CDH18: variants seen among roughly 807,000 people sequenced by gnomAD.
The protein encoded by CDH18 is cadherin-18.
In CDH18, 31 loss-of-function variants were observed where a neutral mutation model predicts 67.9. The ratio of observed to expected loss-of-function variants is 0.46; its 90% CI spans 0.34 to 0.62. CDH18 has a LOEUF of 0.62. CDH18 is among the 20% of genes least tolerant of loss of function. The pLI is 0.01. For missense variants in CDH18, 890 were observed against 975.5 expected (o/e 0.91, Z 1.17); for synonymous variants, 362 against 347.2 (o/e 1.04, Z -0.48).
intron 8 of CDH18, among the ~76,000 whole-genome samples, chr5:19,568,904 C>CA (rs1740896065): frequency 6.6e-6 from 1 of 152,176 alleles, no homozygotes; most frequent in Non-Finnish European, 1.5e-5. Flanking sequence ...CTGTCCCTTG[C>CA]AGGGGGGTGG....
rs578062923 is a variant in CDH18, at chr5:20,247,591, C to A, written c.-518+7853G>T. Among the ~76,000 whole-genome samples, 154 of 151,892 alleles carry A rather than the reference C, an allele frequency of 1.0e-3. 1 individual carries two copies. Among genetic ancestry groups the A allele is most frequent in the African/African-American group, 3.6e-3 (148 of 41,434 alleles). On this transcript the variant is annotated intron_variant, in intron 2 of 14. Coordinates refer to the CDH18 transcript ENST00000507958. ...CCATCCTGGCCAGCATGGTGAAACC[C>A]CGTCTCTATTAAAAACAGAAAAATT...
At chr5:19,726,846 T>A (rs1401464638) in intron 4 of CDH18, among the ~76,000 whole-genome samples, 1 of 151,986 alleles carries the variant, frequency 6.6e-6, no homozygotes, top group African/African-American at 2.4e-5. Context: ...GAGGGTAGGG[T>A]TTTTGCAAAT....
At chr5:19,769,676 T>C (rs1310357274) in intron 3 of CDH18, among the ~76,000 whole-genome samples, 1 of 152,056 alleles carries the variant, frequency 6.6e-6, no homozygotes, top group African/African-American at 2.4e-5. Flanking sequence ...TGTAAATCTT[T>C]ACAACATTAG....
Position 19,592,874 on chromosome 5 carries a change from G to A in CDH18, c.812-1630C>T. Among the ~76,000 whole-genome samples the A allele has an allele frequency of 1.3e-5, 2 of 151,906 alleles. 1 individual carries two copies. The highest frequency in any genetic ancestry group is 2.9e-5 in the Non-Finnish European group (2 of 67,974). ...CAACCACTCCATTCTTTGATTGTAT[G>A]AATTTTACTATTTTAGATACCTCAT... On this transcript the variant is annotated intron_variant, in intron 6 of 12. Coordinates refer to ENST00000382275, the MANE Select transcript of CDH18 (RefSeq NM_004934.5).
In CDH18 at chr5:19,473,422, T is replaced by C. The variant is rs2126490060; in HGVS notation, c.2177A>G (p.Asp726Gly). The change falls in exon 13 of 13, where the codon GAC becomes GGC. Residue 726 changes from aspartate to glycine, a missense_variant. By Grantham distance (94) the Asp-to-Gly change is moderately conservative. Coordinates refer to ENST00000382275, the MANE Select transcript of CDH18 (RefSeq NM_004934.5). Reference sequence around the variant, plus strand: ...AGAGTCATAAGGGGGAACGCTAGGGTCTAGGTCTGCTTCTGCCAGTCTTTG... The same window carrying C: ...AGAGTCATAAGGGGGAACGCTAGGGCCTAGGTCTGCTTCTGCCAGTCTTTG... The part of the protein sequence containing the change: ...IKQRLAEADL[D>G]PSVPPYDSLQ... 6.2e-7 allele frequency: 1 copy of C among 1,613,762 alleles called. No homozygotes were observed. Among genetic ancestry groups the C allele is most frequent in the East Asian group, 2.2e-5 (1 of 44,842 alleles).
intron 3 of CDH18, among the ~76,000 whole-genome samples, chr5:19,765,348 T>G (rs1348917792): frequency 6.6e-6 from 1 of 151,666 alleles, no homozygotes; most frequent in Non-Finnish European, 1.5e-5. Flanking sequence ...AGGGAAAATT[T>G]TCCCAGAAAA....
At chr5:19,678,285 C>A (rs547503949) in intron 5 of CDH18, among the ~76,000 whole-genome samples, 1 of 150,234 alleles carries the variant, frequency 6.7e-6, no homozygotes, top group Non-Finnish European at 1.5e-5. Context: ...AACACACTCT[C>A]GGACAACAGT....
At chr5:20,103,395 G>A (rs1746638194) in intron 2 of CDH18, among the ~76,000 whole-genome samples, 1 of 151,936 alleles carries the variant, frequency 6.6e-6, no homozygotes, top group South Asian at 2.1e-4. Flanking sequence ...ACATTAAGTA[G>A]GAAGTAGAAG....
At position 20,469,177 on chromosome 5, in the gene CDH18, AG is replaced by A. The variant is rs778343020; in HGVS notation, c.-580+106284del. On this transcript the variant is annotated intron_variant, in intron 1 of 14. Coordinates refer to the CDH18 transcript ENST00000507958. ...ACATAGGATGAGAAGAAAGACTTCA[AG>A]GGACTTTGCTCAAGACCCAGTCTGA... is the stretch of plus-strand genomic sequence containing the variant. 5.9e-5 allele frequency among the ~76,000 whole-genome samples: 9 copies of A among 152,310 alleles called. No individual in the cohort carries two copies. In the East Asian group the frequency reaches 1.4e-3, roughly 23 times the overall value.
At chr5:19,617,649 T>G (rs1368481045) in intron 5 of CDH18, among the ~76,000 whole-genome samples, 1 of 152,242 alleles carries the variant, frequency 6.6e-6, no homozygotes, top group Non-Finnish European at 1.5e-5. Context: ...AATTGTTGCC[T>G]CTTATTCTCT....
At chr5:20,314,371 C>T (rs912623289) in intron 1 of CDH18, among the ~76,000 whole-genome samples, 6 of 152,030 alleles carry the variant, frequency 3.9e-5, no homozygotes, top group African/African-American at 1.4e-4. Flanking sequence ...TATAAATTAT[C>T]TATCTTCTTT....
intron 1 of CDH18, among the ~76,000 whole-genome samples, chr5:20,374,692 AAG>A (rs954497141): frequency 6.6e-6 from 1 of 152,184 alleles, no homozygotes; most frequent in Admixed American, 6.5e-5. Flanking sequence ...ACTTCAGGGA[AAG>A]AGGGGATTCA....
intron 4 of CDH18, among the ~76,000 whole-genome samples, chr5:19,741,328 TCTCA>T (rs1404474764): frequency 7.8e-5 from 3 of 38,224 alleles, no homozygotes; most frequent in Non-Finnish European, 1.5e-4. Flanking sequence ...TATATACATG[TCTCA>T]CACACACACA....
chr5:19,496,583 C>T (rs1344174510), intron 11 of CDH18, among the ~76,000 whole-genome samples: 5 of 151,940 alleles, frequency 3.3e-5, no homozygotes, highest in East Asian at 3.9e-4. Context: ...GAGGCCAAGG[C>T]GGGTGGATCA....
chr5:20,088,636 T>G (rs80124485), intron 2 of CDH18, among the ~76,000 whole-genome samples: 1,786 of 152,212 alleles, frequency 0.012, 27 homozygotes, highest in African/African-American at 0.041. Context: ...AGAATGCAGA[T>G]CGACTCTGGC....
chr5:20,258,686 C>T (rs1009679056), intron 1 of CDH18, among the ~76,000 whole-genome samples: 2 of 151,960 alleles, frequency 1.3e-5, no homozygotes, highest in African/African-American at 2.4e-5. Context: ...CCAATTCTTA[C>T]AACATGGATG....
chr5:20,073,521 G>C lies in CDH18; in HGVS notation c.-517-81507C>G, dbSNP rs1743664021. Among the ~76,000 whole-genome samples the C allele has an allele frequency of 1.3e-5, 2 of 151,950 alleles. 1 individual carries two copies. Among genetic ancestry groups the C allele is most frequent in the South Asian group, 4.2e-4 (2 of 4,818 alleles). ...GCCAGTGAAATTGTGCTTAGTAATG[G>C]GATGTTTACTTAATATTCCTTGACA... is the stretch of plus-strand genomic sequence containing the variant. On this transcript the variant is annotated intron_variant, in intron 2 of 14. Coordinates refer to the CDH18 transcript ENST00000507958.
chr5:19,900,555 C>A (rs949706452), intron 2 of CDH18, among the ~76,000 whole-genome samples: 11 of 152,030 alleles, frequency 7.2e-5, no homozygotes, highest in Non-Finnish European at 1.2e-4. Context: ...CATCATCTTG[C>A]ACTTCATACA....
intron 1 of CDH18, among the ~76,000 whole-genome samples, chr5:20,343,839 C>G (rs542367995): frequency 1.3e-5 from 2 of 152,040 alleles, no homozygotes; most frequent in South Asian, 4.2e-4. Flanking sequence ...AATTGACAAA[C>G]GAGTATCCTC....
Sources: gnomAD v4.1 joint callset for allele counts (sites outside exome capture counted in the v4.1 genomes callset) on GRCh38, gnomAD v4.1.1 for gene constraint, MANE v1.5 for transcripts, NCBI Gene and HGNC (gene_info 2026-07-23, HGNC 2026-07-21) for gene names.